The following CFAP74 variants were observed in gnomAD, a reference collection of about 807,000 sequenced individuals.
CFAP74 encodes cilia and flagella associated protein 74, also known as cilia- and flagella-associated protein 74.
In CFAP74, 124 loss-of-function variants were observed where a neutral mutation model predicts 188.9. That is an observed-to-expected ratio of 0.66 (90% confidence interval 0.57 to 0.76). CFAP74 has a LOEUF of 0.76. Ranked by LOEUF, CFAP74 falls within the 30% of genes least tolerant of loss-of-function variation. CFAP74 has a pLI of 0.00. For missense variants in CFAP74, 2,198 were observed against 2,165.2 expected, an observed-to-expected ratio of 1.02 and a Z score of -0.30; for synonymous variants, 956 against 916.7, an observed-to-expected ratio of 1.04 and a Z score of -0.77.
At chr1:1,972,715 G>A (rs1467267923) in intron 8 of CFAP74, among the ~76,000 whole-genome samples, 11 of 152,182 alleles carry the variant, frequency 7.2e-5, no homozygotes, top group African/African-American at 1.2e-4. Flanking sequence ...GCATGGTGGC[G>A]CGTGCCTGTA....
chr1:1,989,461 C>T (rs1328066258), intron 2 of CFAP74, among the ~76,000 whole-genome samples: 1 of 152,178 alleles, frequency 6.6e-6, no homozygotes, highest in South Asian at 2.1e-4. Context: ...CTCAACATGA[C>T]GTTCGGCGTA....
intron 1 of CFAP74, among the ~76,000 whole-genome samples, chr1:2,001,171 C>A (rs957251996): frequency 6.6e-6 from 1 of 152,058 alleles, no homozygotes; most frequent in Non-Finnish European, 1.5e-5. Context: ...AGAGGGCGGC[C>A]CCAGGTGTGG....
In CFAP74 at chr1:1,922,571, G is replaced by C; in HGVS notation, c.4818+18C>G. 1 of 1,608,342 alleles carries C rather than the reference G, an allele frequency of 6.2e-7. No individual in the cohort carries two copies. Among genetic ancestry groups the C allele is most frequent in the Non-Finnish European group, 8.5e-7 (1 of 1,178,164 alleles). On this transcript the variant is annotated intron_variant, in intron 38 of 38. Coordinates refer to ENST00000682832, the MANE Select transcript of CFAP74 (RefSeq NM_001304360.2). ...GGCGTTCCCAGGGCTCCCTGGCCTG[G>C]AGCCCAAAGGCACCTACATCAAAGT... is the stretch of plus-strand genomic sequence containing the variant.
chr1:1,953,009 C>T, intron 18 of CFAP74, among the ~76,000 whole-genome samples: 1 of 152,252 alleles, frequency 6.6e-6, no homozygotes, highest in African/African-American at 2.4e-5. Flanking sequence ...AGATTCAATG[C>T]TATGCCAATC....
At chr1:1,928,068 T>G in intron 27 of CFAP74, 3 of 402,192 alleles carry the variant, frequency 7.5e-6, no homozygotes, top group Non-Finnish European at 1.4e-5. Flanking sequence ...AGGCAAGTGC[T>G]TCCCCTCGAG....
chr1:1,955,330 T>G, intron 18 of CFAP74: 1 of 1,315,904 alleles, frequency 7.6e-7, no homozygotes, highest in Non-Finnish European at 9.9e-7. Flanking sequence ...GGTGCGCGTC[T>G]AACAACAGCC....
intron 1 of CFAP74, among the ~76,000 whole-genome samples, chr1:2,001,165 G>A (rs532825046): frequency 1.3e-5 from 2 of 152,256 alleles, no homozygotes; most frequent in South Asian, 2.1e-4. Context: ...GAAGAAAGAG[G>A]GCGGCCCCAG....
chr1:1,979,399 A>G (rs1357321405), intron 6 of CFAP74, among the ~76,000 whole-genome samples: 1,655 of 63,184 alleles, frequency 0.026, no homozygotes, highest in Middle Eastern at 0.11. Context: ...GTCACGTGAC[A>G]AGGCTGTGCA....
chr1:1,997,343 A>G (rs554486521), intron 1 of CFAP74, among the ~76,000 whole-genome samples: 1 of 151,896 alleles, frequency 6.6e-6, no homozygotes, highest in African/African-American at 2.4e-5. Context: ...AAACGTTTGA[A>G]CCCAGGAGGC....
At chr1:1,980,719 C>T (rs926608417) in intron 6 of CFAP74, among the ~76,000 whole-genome samples, 2 of 152,318 alleles carry the variant, frequency 1.3e-5, no homozygotes, top group South Asian at 2.1e-4. Flanking sequence ...TGCAGCATCC[C>T]GTCTCCAAGA....
rs1439170116 is a variant in CFAP74 at position 1,955,701 on chromosome 1, C to T, written c.2166G>A (p.Glu722=). 1.9e-6 allele frequency: 3 copies of T among 1,613,830 alleles called. No homozygotes were observed. The highest frequency in any genetic ancestry group is 4.5e-5 in the East Asian group (2 of 44,872). ...GGCAGCCTGGCTCACCTGCGGGCTG[C>T]TCCTCCTCCTGCTCCTTGTCCAGCT... ...LEKLDKEQEE[E]QPAEPERLTT... Residue 722 remains glutamate (E), a synonymous_variant, in exon 18 of 39, where the codon GAG becomes GAA. Transcript: ENST00000682832.
At chr1:1,955,508 C>T (rs1176977969) in intron 18 of CFAP74, 183 bp downstream of exon 18, 1 of 1,606,964 alleles carries the variant, frequency 6.2e-7, no homozygotes, top group Non-Finnish European at 8.5e-7. Flanking sequence ...CATTTTCGTC[C>T]ACTCCAAAAA....
chr1:1,943,569 C>T (rs1653537269), intron 21 of CFAP74, among the ~76,000 whole-genome samples: 1 of 152,244 alleles, frequency 6.6e-6, no homozygotes, highest in South Asian at 2.1e-4. Flanking sequence ...TGCGCTTTCC[C>T]ACCGGCGTGG....
chr1:1,990,029 A>G lies in CFAP74; in HGVS notation c.67+861T>C, dbSNP rs79389933. Reference sequence around the variant, plus strand: ...AGGTGACGTCACAACAGACAGCTCTAAGACTCCAGCTGTCTTCCATTAAAC... The same window carrying G: ...AGGTGACGTCACAACAGACAGCTCTGAGACTCCAGCTGTCTTCCATTAAAC... On this transcript the variant is annotated intron_variant, in intron 2 of 38. Coordinates refer to ENST00000682832, the MANE Select transcript of CFAP74 (RefSeq NM_001304360.2). Among the ~76,000 whole-genome samples the G allele has an allele frequency of 4.8e-3, 732 of 151,028 alleles. 21 individuals carry two copies. The East Asian group carries it at 0.089, about 18-fold the overall frequency.
chr1:1,927,750 TGGG>T lies in CFAP74; in HGVS notation c.3388-7_3388-5del. On this transcript the variant is annotated splice_region_variant and splice_polypyrimidine_tract_variant and intron_variant, in intron 27 of 38. Transcript: ENST00000682832. ...GGGGGGCCATATTCTTTCGGAACTG[TGGG>T]GGGAGCGACTGGCTGTGGGGCTGTG... 6.5e-7 allele frequency: 1 copy of T among 1,549,204 alleles called. No individual in the cohort carries two copies. Among genetic ancestry groups the T allele is most frequent in the Non-Finnish European group, 8.7e-7 (1 of 1,146,286 alleles).
At chr1:1,965,717 C>T (rs1263166823) in intron 12 of CFAP74, among the ~76,000 whole-genome samples, 1 of 152,208 alleles carries the variant, frequency 6.6e-6, no homozygotes, top group Non-Finnish European at 1.5e-5. Flanking sequence ...TGGGTGTCCC[C>T]AGTGGGCAGG....
At chr1:1,988,466 G>C (rs1028802395) in intron 4 of CFAP74, 46 bp downstream of exon 4, 1 of 1,601,952 alleles carries the variant, frequency 6.2e-7, no homozygotes, top group African/African-American at 1.3e-5. Flanking sequence ...TCACGGCCTG[G>C]GGGGCATCAA....
intron 18 of CFAP74, chr1:1,955,167 G>A (rs1191236889): frequency 1.6e-6 from 2 of 1,286,072 alleles, no homozygotes; most frequent in Admixed American, 4.6e-5. Context: ...ACAGACAGGA[G>A]GAGGACGGAG....
Position 1,923,794 on chromosome 1 carries a change from T to C in CFAP74, c.4370A>G (p.Gln1457Arg). The change falls in exon 35 of 39, where the codon CAG (glutamine) becomes CGG (arginine). Residue 1457 changes from glutamine (Q) to arginine (R), a missense_variant. Coordinates refer to ENST00000682832, the MANE Select transcript of CFAP74 (RefSeq NM_001304360.2). This position sits in a 1 kb window ranked among gnomAD's most constrained non-coding sequence, Gnocchi z 6.3. ...CCGCACCTTTTCAAAGAGCACCACCTGGAGCTTGTCGGAGAAGTAGAGGCT... is the reference window on the plus strand; with the variant it reads ...CCGCACCTTTTCAAAGAGCACCACCCGGAGCTTGTCGGAGAAGTAGAGGCT... ...HESLYFSDKLQVVLFEKKISH... is the reference protein window; with the variant it reads ...HESLYFSDKLRVVLFEKKISH... The C allele has an allele frequency of 6.2e-7, 1 of 1,613,440 alleles. No individual in the cohort carries two copies. The highest frequency in any genetic ancestry group is 8.5e-7 in the Non-Finnish European group (1 of 1,179,852).
Sources: gnomAD v4.1 joint callset for allele counts (sites outside exome capture counted in the v4.1 genomes callset) on GRCh38, gnomAD v4.1.1 for gene constraint, Gnocchi (gnomAD v3.1) non-coding constraint, MANE v1.5 for transcripts, NCBI Gene and HGNC (gene_info 2026-07-23, HGNC 2026-07-21) for gene names.